The following KIAA1217 variants were observed in gnomAD, a reference collection of about 807,000 sequenced individuals.
The protein encoded by KIAA1217 is KIAA1217.
Under a neutral mutation model 163.9 loss-of-function variants are expected in KIAA1217, and 88 were observed. That is an observed-to-expected ratio of 0.54 (90% CI 0.45 to 0.64). The LOEUF is 0.64. Ranked by LOEUF, KIAA1217 falls within the 30% of genes least tolerant of loss-of-function variation. The pLI is 0.00. For synonymous variants in KIAA1217, 903 were observed against 923.1 expected, an observed-to-expected ratio of 0.98 and a Z score of 0.39; for missense variants, 2,372 against 2,475.0, an observed-to-expected ratio of 0.96 and a Z score of 0.88.
intron 1 of KIAA1217, among the ~76,000 whole-genome samples, chr10:23,970,982 A>G (rs1845291008): frequency 6.6e-6 from 1 of 152,240 alleles, no homozygotes; most frequent in Non-Finnish European, 1.5e-5. Flanking sequence ...TAAAGCAGGA[A>G]CAAAAGGAAA....
chr10:24,093,407 G>A (rs922504379), intron 2 of KIAA1217, among the ~76,000 whole-genome samples: 10 of 151,344 alleles, frequency 6.6e-5, no homozygotes, highest in Admixed American at 1.3e-4. Context: ...CCTGATCTCC[G>A]ATGATCCACC....
chr10:24,350,046 TTAC>T (rs1398922091), intron 2 of KIAA1217, among the ~76,000 whole-genome samples: 1 of 152,176 alleles, frequency 6.6e-6, no homozygotes, highest in East Asian at 1.9e-4. Flanking sequence ...TGATGCATGG[TTAC>T]TCTTCATCCC....
rs189771525 is a variant in KIAA1217 at position 24,407,182 on chromosome 10, A to G, written c.554-25813A>G. On this transcript the variant is annotated intron_variant, in intron 3 of 20. Coordinates refer to ENST00000376454, the MANE Select transcript of KIAA1217 (RefSeq NM_019590.5). ...TATAGAAATGGTTCTGAACAGCAGG[A>G]TGTCTCGTAGCAATGTTTAATCGTT... 5.1e-3 allele frequency among the ~76,000 whole-genome samples: 778 copies of G among 152,274 alleles called. 4 individuals are homozygous for G. The highest frequency in any genetic ancestry group is 0.01 in the Admixed American group (159 of 15,290).
intron 2 of KIAA1217, among the ~76,000 whole-genome samples, chr10:24,046,946 G>A (rs528989336): frequency 9.8e-4 from 150 of 152,312 alleles, no homozygotes; most frequent in Middle Eastern, 3.4e-3. Flanking sequence ...TGATTGGTTA[G>A]CTAGTTCCTG....
At chr10:23,804,680 A>G (rs1239094921) in intron 1 of KIAA1217, among the ~76,000 whole-genome samples, 4 of 152,198 alleles carry the variant, frequency 2.6e-5, no homozygotes, top group African/African-American at 4.8e-5. Context: ...CAGTGTCTGA[A>G]GTATATATGC....
At chr10:23,845,470 C>T (rs754506291) in intron 1 of KIAA1217, among the ~76,000 whole-genome samples, 4 of 152,132 alleles carry the variant, frequency 2.6e-5, no homozygotes, top group Non-Finnish European at 5.9e-5. Flanking sequence ...TTTTGATTTG[C>T]ATTTCTCTGA....
rs1057108924 is a variant in KIAA1217 at position 24,175,850 on chromosome 10, G to T, written c.-170-43776G>T. Among the ~76,000 whole-genome samples the T allele has an allele frequency of 3.3e-5, 5 of 152,248 alleles. No individual in the cohort carries two copies. The South Asian group carries it at 1.0e-3, about 32-fold the overall frequency. On this transcript the variant is annotated intron_variant, in intron 2 of 18. Coordinates refer to the KIAA1217 transcript ENST00000376462. ...CAGACTTGTTCATGCCTCCCAGTGG[G>T]TTCATTGTCTCACTGGCCTCAGGAG... is the stretch of plus-strand genomic sequence containing the variant.
chr10:24,190,640 G>A lies in KIAA1217; in HGVS notation c.-170-28986G>A, dbSNP rs186865278. ...TCCTGGGAGAACCCAGTGCTATCTAGGAGTTCCAGAATTAGGACGAGCCAT... is the reference window on the plus strand; with the variant it reads ...TCCTGGGAGAACCCAGTGCTATCTAAGAGTTCCAGAATTAGGACGAGCCAT... On this transcript the variant is annotated intron_variant, in intron 2 of 18. Transcript: ENST00000376462. 1.0e-3 allele frequency among the ~76,000 whole-genome samples: 159 copies of A among 152,234 alleles called. 1 individual carries two copies. The highest frequency in any genetic ancestry group is 1.0e-3 in the Non-Finnish European group (70 of 68,010).
intron 1 of KIAA1217, among the ~76,000 whole-genome samples, chr10:23,934,977 A>G (rs755367958): frequency 7.2e-5 from 11 of 152,106 alleles, no homozygotes; most frequent in Non-Finnish European, 1.3e-4. Context: ...AAATAAATTC[A>G]TCTAGCCTCC....
intron 1 of KIAA1217, among the ~76,000 whole-genome samples, chr10:23,914,819 C>T (rs1260263801): frequency 1.3e-5 from 2 of 152,170 alleles, no homozygotes; most frequent in Non-Finnish European, 2.9e-5. Flanking sequence ...GAAATCACTG[C>T]TGGGCAAGCT....
intron 3 of KIAA1217, among the ~76,000 whole-genome samples, chr10:24,391,700 G>A (rs566938791): frequency 1.3e-5 from 2 of 152,228 alleles, no homozygotes; most frequent in South Asian, 4.1e-4. Flanking sequence ...TAAACCTGGA[G>A]TATAAGTCAC....
chr10:24,397,560 G>A (rs1383198623), intron 3 of KIAA1217, among the ~76,000 whole-genome samples: 4 of 152,030 alleles, frequency 2.6e-5, no homozygotes, highest in Admixed American at 6.5e-5. Flanking sequence ...TACAATGTAC[G>A]AAAAAGTAAA....
At chr10:24,382,054 C>CAGCAAA in intron 3 of KIAA1217, among the ~76,000 whole-genome samples, 1 of 140,332 alleles carries the variant, frequency 7.1e-6, no homozygotes, top group Non-Finnish European at 1.6e-5. Flanking sequence ...TACTTTCTAT[C>CAGCAAA]TTGCTTTGCT....
At chr10:24,200,774 G>A (rs946699084) in intron 2 of KIAA1217, among the ~76,000 whole-genome samples, 6 of 152,148 alleles carry the variant, frequency 3.9e-5, no homozygotes, top group Non-Finnish European at 5.9e-5. Flanking sequence ...GATTGCACCA[G>A]TCAAGCTTGG....
chr10:24,239,527 A>G (rs1291971738), intron 2 of KIAA1217, among the ~76,000 whole-genome samples: 2 of 142,306 alleles, frequency 1.4e-5, no homozygotes, highest in Admixed American at 1.4e-4. Flanking sequence ...ATGAACTGAG[A>G]TTTTTGAATA....
chr10:24,197,423 G>A (rs2067040882), intron 2 of KIAA1217, among the ~76,000 whole-genome samples: 1 of 152,242 alleles, frequency 6.6e-6, no homozygotes, highest in Non-Finnish European at 1.5e-5. Flanking sequence ...GACATTGAAA[G>A]AATGTACCAA....
At chr10:24,064,856 T>A (rs921043953) in intron 2 of KIAA1217, among the ~76,000 whole-genome samples, 3 of 152,236 alleles carry the variant, frequency 2.0e-5, no homozygotes, top group Non-Finnish European at 4.4e-5. Flanking sequence ...AACTTCTTCC[T>A]GATTTAGTCT....
Position 24,380,900 on chromosome 10 carries a change from A to C in KIAA1217, c.386A>C (p.Gln129Pro), listed in dbSNP as rs2053211177. 1 of 1,593,530 alleles carries C rather than the reference A, an allele frequency of 6.3e-7. No homozygotes were observed. Among genetic ancestry groups the C allele is most frequent in the African/African-American group, 1.3e-5 (1 of 74,284 alleles). ...TRSPKLSHSP[Q>P]PPSLGDPVEH... Reference sequence around the variant, plus strand: ...AGCCCCAAACTGTCTCACAGTCCTCAACCACCCAGTCTGGGTGACCCGGTC... The same window carrying C: ...AGCCCCAAACTGTCTCACAGTCCTCCACCACCCAGTCTGGGTGACCCGGTC... The change falls in exon 3 of 21, where the codon CAA becomes CCA. Residue 129 changes from glutamine to proline, a missense_variant. Around this residue, in one of 3 missense-constraint regions of KIAA1217, gnomAD observed 1,431 missense variants for 1,470.3 expected, o/e 0.97. Transcript: ENST00000376454.
At chr10:23,829,082 G>A (rs12247373) in intron 1 of KIAA1217, among the ~76,000 whole-genome samples, 42,089 of 151,976 alleles carry the variant, frequency 0.28, 6,883 homozygotes, top group African/African-American at 0.45. Context: ...GCCAGATAAA[G>A]GGATAAGGAA....
Sources: allele counts gnomAD v4.1 joint callset (sites outside exome capture counted in the v4.1 genomes callset), GRCh38; gene constraint gnomAD v4.1.1; regional missense constraint gnomAD v4.1.1; transcripts MANE v1.5; gene names NCBI Gene and HGNC (gene_info 2026-07-23, HGNC 2026-07-21).